Variants in PTPRT observed in about 807,000 individuals in gnomAD.
The protein encoded by PTPRT is protein tyrosine phosphatase receptor type T, also known as receptor-type tyrosine-protein phosphatase T.
A neutral mutation model predicts 176.8 loss-of-function variants in PTPRT; 56 were observed. That is an observed-to-expected ratio of 0.32 (90% CI 0.26 to 0.40). The LOEUF (loss-of-function observed/expected upper bound fraction) is 0.40, where lower values mean the gene tolerates loss of function less well. Ranked by LOEUF, PTPRT falls within the 10% of genes least tolerant of loss-of-function variation. The pLI is 1.00. For synonymous variants in PTPRT, 783 were observed against 739.0 expected (o/e 1.06, Z -0.96); for missense variants, 1,540 against 1,908.2 (o/e 0.81, Z 3.60).
intron 7 of PTPRT, among the ~76,000 whole-genome samples, chr20:42,502,155 A>G (rs2071761175): frequency 6.6e-6 from 1 of 152,054 alleles, no homozygotes; most frequent in Non-Finnish European, 1.5e-5. Context: ...AGTCTCACTT[A>G]TTGACAAAAA....
At chr20:42,960,762 G>C (rs1186093060) in intron 1 of PTPRT, among the ~76,000 whole-genome samples, 3 of 152,068 alleles carry the variant, frequency 2.0e-5, no homozygotes, top group Non-Finnish European at 2.9e-5. Flanking sequence ...AGCTGCCAGA[G>C]TGATACAACG....
chr20:42,581,067 C>CA (rs2073362331), intron 7 of PTPRT, among the ~76,000 whole-genome samples: 1 of 152,128 alleles, frequency 6.6e-6, no homozygotes, highest in Admixed American at 6.5e-5. Context: ...TCTAGGCCCC[C>CA]TAGCTTCCTT....
At chr20:42,541,797 T>C (rs1601229117) in intron 7 of PTPRT, among the ~76,000 whole-genome samples, 2 of 149,560 alleles carry the variant, frequency 1.3e-5, no homozygotes, top group Admixed American at 6.6e-5. Context: ...GGATAACATA[T>C]ATTGAATTAA....
At chr20:43,187,658 G>A (rs905910404) in intron 1 of PTPRT, among the ~76,000 whole-genome samples, 1 of 152,106 alleles carries the variant, frequency 6.6e-6, no homozygotes, top group African/African-American at 2.4e-5. Context: ...CTAAATATAT[G>A]CTATATCGCA....
At chr20:42,452,367 G>A (rs2070846664) in intron 8 of PTPRT, among the ~76,000 whole-genome samples, 1 of 152,064 alleles carries the variant, frequency 6.6e-6, no homozygotes, top group African/African-American at 2.4e-5. Context: ...GCAAGGGTGG[G>A]TTGAAAGAAG....
intron 1 of PTPRT, among the ~76,000 whole-genome samples, chr20:43,044,499 G>A (rs772488518): frequency 3.3e-5 from 5 of 152,098 alleles, no homozygotes; most frequent in Non-Finnish European, 7.3e-5. Context: ...ACTTCATAAC[G>A]TACTGAAAAG....
intron 1 of PTPRT, among the ~76,000 whole-genome samples, chr20:43,143,119 G>A (rs1001521767): frequency 6.6e-6 from 1 of 152,138 alleles, no homozygotes; most frequent in African/African-American, 2.4e-5. Context: ...CATAAGGAAC[G>A]GTGTTGATGA....
chr20:43,160,002 C>CA (rs11475762), intron 1 of PTPRT, among the ~76,000 whole-genome samples: 75 of 136,538 alleles, frequency 5.5e-4, no homozygotes, highest in East Asian at 4.9e-3. Flanking sequence ...CTTCCCCCTG[C>CA]AAAAAAAAAA....
At chr20:43,079,177 T>TCCCCCC (rs11086858) in intron 1 of PTPRT, among the ~76,000 whole-genome samples, 1 of 88,648 alleles carries the variant, frequency 1.1e-5, no homozygotes, top group African/African-American at 4.6e-5. Flanking sequence ...TCTCTCTCCC[T>TCCCCCC]CCCCCCCCCC....
At chr20:42,278,486 T>A (rs1250697213) in intron 13 of PTPRT, among the ~76,000 whole-genome samples, 1 of 151,710 alleles carries the variant, frequency 6.6e-6, no homozygotes, top group East Asian at 2.0e-4. Context: ...CAGGCAAGAC[T>A]GGTGGGGCAA....
chr20:42,103,041 C>T (rs138560517), intron 25 of PTPRT, among the ~76,000 whole-genome samples: 180 of 152,310 alleles, frequency 1.2e-3, no homozygotes, highest in African/African-American at 4.0e-3. Flanking sequence ...GATATCTGCC[C>T]GTGGAACAAT....
At chr20:42,662,114 C>T (rs890599219) in intron 7 of PTPRT, among the ~76,000 whole-genome samples, 2 of 152,062 alleles carry the variant, frequency 1.3e-5, no homozygotes, top group Admixed American at 1.3e-4. Context: ...GAGAGAGAAA[C>T]TGAAAAAAGA....
At chr20:42,738,718 G>A (rs1042219796) in intron 6 of PTPRT, among the ~76,000 whole-genome samples, 7 of 152,082 alleles carry the variant, frequency 4.6e-5, no homozygotes, top group East Asian at 1.9e-4. Context: ...CAACTAATAG[G>A]GGGCATTTGG....
chr20:42,387,360 T>C (rs536375990), intron 9 of PTPRT, among the ~76,000 whole-genome samples: 2 of 152,344 alleles, frequency 1.3e-5, no homozygotes, highest in Non-Finnish European at 2.9e-5. Context: ...GCTTTTTTTC[T>C]TGACAATTAT....
At chr20:43,101,022 G>A (rs556106537) in intron 1 of PTPRT, among the ~76,000 whole-genome samples, 19 of 152,220 alleles carry the variant, frequency 1.2e-4, no homozygotes, top group Non-Finnish European at 1.9e-4. Flanking sequence ...TAATAGGCAC[G>A]TTTAAGAAAT....
intron 7 of PTPRT, among the ~76,000 whole-genome samples, chr20:42,503,739 T>C (rs1163136094): frequency 1.3e-5 from 2 of 152,156 alleles, no homozygotes; most frequent in African/African-American, 4.8e-5. Flanking sequence ...TTGTCTACTT[T>C]GTCTGTCAAT....
chr20:42,884,835 T>G (rs1453487277), intron 2 of PTPRT, among the ~76,000 whole-genome samples: 3 of 152,166 alleles, frequency 2.0e-5, no homozygotes, highest in African/African-American at 4.8e-5. Context: ...AGCAGGGACA[T>G]GTGATTATTC....
intron 13 of PTPRT, among the ~76,000 whole-genome samples, chr20:42,257,748 C>T (rs1367728694): frequency 2.0e-5 from 3 of 150,334 alleles, no homozygotes; most frequent in African/African-American, 7.4e-5. Context: ...CTGAGGCCTC[C>T]CCAGAAGCAG....
intron 1 of PTPRT, among the ~76,000 whole-genome samples, chr20:43,142,840 T>A (rs1030230765): frequency 1.3e-5 from 2 of 152,218 alleles, no homozygotes; most frequent in African/African-American, 2.4e-5. Flanking sequence ...TCACAATCAT[T>A]AATGCTACAG....
Sources: gnomAD v4.1 joint callset for allele counts (sites outside exome capture counted in the v4.1 genomes callset) on GRCh38, gnomAD v4.1.1 for gene constraint, MANE v1.5 for transcripts, NCBI Gene and HGNC (gene_info 2026-07-23, HGNC 2026-07-21) for gene names.